The following SYNGR4 variants were observed in gnomAD, a reference collection of about 807,000 sequenced individuals.
SYNGR4 encodes the protein synaptogyrin 4.
In SYNGR4, 15 loss-of-function variants were observed where a neutral mutation model predicts 15.5. That is an observed-to-expected ratio of 0.97 (90% CI 0.65 to 1.49). The LOEUF (loss-of-function observed/expected upper bound fraction) is 1.49. Among genes scored for constraint, SYNGR4 ranks in the 40% most tolerant of loss-of-function variants. The probability of loss-of-function intolerance (pLI) is 0.00; values close to 1 mark genes in which losing one functional copy is unlikely to be tolerated. For synonymous variants in SYNGR4, 121 were observed against 127.4 expected (o/e 0.95, Z 0.34); for missense variants, 292 against 299.3 (o/e 0.98, Z 0.18).
intron 2 of SYNGR4, among the ~76,000 whole-genome samples, chr19:48,370,412 G>T (rs1402064458): frequency 6.6e-6 from 1 of 152,124 alleles, no homozygotes; most frequent in Non-Finnish European, 1.5e-5. Flanking sequence ...GAGCCCAGGA[G>T]GTCGAGGCTG....
intron 2 of SYNGR4, among the ~76,000 whole-genome samples, chr19:48,367,035 TC>T (rs1272159914): frequency 6.6e-6 from 1 of 151,474 alleles, no homozygotes; most frequent in African/African-American, 2.4e-5. Flanking sequence ...AAGCCTGTAG[TC>T]CCAGTTACTT....
rs1970206346 is a variant in SYNGR4 at position 48,365,783 on chromosome 19, C to A, written c.-60C>A. On this transcript the variant is annotated 5_prime_UTR_variant, in exon 2 of 5. Coordinates refer to ENST00000344846, the MANE Select transcript of SYNGR4 (RefSeq NM_012451.4). Reference sequence around the variant, plus strand: ...GAAGCCCCCGGACGGCAGTGCCCAGCAGGCAGCGCCCAGCACCCTGGCTCC... The same window carrying A: ...GAAGCCCCCGGACGGCAGTGCCCAGAAGGCAGCGCCCAGCACCCTGGCTCC... 50 of 1,581,384 alleles carry A rather than the reference C, an allele frequency of 3.2e-5. No homozygotes were observed. Among genetic ancestry groups the A allele is most frequent in the Non-Finnish European group, 4.2e-5 (48 of 1,154,118 alleles).
In SYNGR4 at chr19:48,373,550, A is replaced by G. The variant is rs1970343888; in HGVS notation, c.127A>G (p.Thr43Ala). ...FSLIVFSSLL[T>A]DGYQNKMESP... ...CCTGATCGTCTTCTCCTCCCTGCTGACCGACGGCTACCAGAACAAGATGGA... is the reference window on the plus strand; with the variant it reads ...CCTGATCGTCTTCTCCTCCCTGCTGGCCGACGGCTACCAGAACAAGATGGA... The change falls in exon 3 of 5, where the codon ACC (threonine) becomes GCC (alanine). Residue 43 changes from threonine (T) to alanine (A), a missense_variant. Physicochemically the swap from Thr to Ala is moderately conservative, Grantham distance 58. Coordinates refer to ENST00000344846, the MANE Select transcript of SYNGR4 (RefSeq NM_012451.4). 6.2e-7 allele frequency: 1 copy of G among 1,613,796 alleles called. No homozygotes were observed. Among genetic ancestry groups the G allele is most frequent in the Non-Finnish European group, 8.5e-7 (1 of 1,180,006 alleles).
intron 2 of SYNGR4, among the ~76,000 whole-genome samples, chr19:48,367,781 G>C (rs562765048): frequency 2.0e-5 from 3 of 152,326 alleles, no homozygotes; most frequent in Admixed American, 2.0e-4. Flanking sequence ...AGACTTTGCT[G>C]TGTGATCTTG....
In SYNGR4 at chr19:48,365,888, G is replaced by A. The variant is rs60121852; in HGVS notation, c.46G>A (p.Val16Met). Residue 16 changes from valine (V) to methionine (M), a missense_variant, in exon 2 of 5, where the codon GTG becomes ATG. Val to Met is a conservative substitution (Grantham distance 21). Coordinates refer to ENST00000344846, the MANE Select transcript of SYNGR4 (RefSeq NM_012451.4). ...SLQELANSEAVQFLRRPKTIT... is the reference protein window; with the variant it reads ...SLQELANSEAMQFLRRPKTIT... ...CCAGGAGCTGGCCAACAGCGAAGCC[G>A]TGCAGTTTCTGAGAAGGCCCAAGAC... is the stretch of plus-strand genomic sequence containing the variant. The A allele has an allele frequency of 2.4e-5, 38 of 1,613,896 alleles. No homozygotes were observed. Among genetic ancestry groups the A allele is most frequent in the Middle Eastern group, 3.3e-4 (2 of 6,062 alleles).
intron 2 of SYNGR4, among the ~76,000 whole-genome samples, chr19:48,372,110 C>G (rs1415116429): frequency 6.6e-6 from 1 of 152,030 alleles, no homozygotes; most frequent in Non-Finnish European, 1.5e-5. Context: ...GTCTCAAACT[C>G]CTGGCCTGAC....
Position 48,372,384 on chromosome 19 carries a change from G to A in SYNGR4, c.94-1133G>A, listed in dbSNP as rs111759921. On this transcript the variant is annotated intron_variant, in intron 2 of 4. Transcript: ENST00000344846. ...GGCATGGCCGGGCGTGGTGGCTCAC[G>A]CCTGTAATCCCAGCACTTTGGGAGG... Among the ~76,000 whole-genome samples, 651 of 152,084 alleles carry A rather than the reference G, an allele frequency of 4.3e-3. 6 individuals are homozygous for A. Among genetic ancestry groups the A allele is most frequent in the African/African-American group, 0.015 (603 of 41,472 alleles).
chr19:48,373,864 C>A, intron 3 of SYNGR4, 110 bp downstream of exon 3: 1 of 1,072,512 alleles, frequency 9.3e-7, no homozygotes, highest in South Asian at 1.4e-5. Context: ...CGGCCTCCAC[C>A]CTGACTGTCC....
At chr19:48,366,471 A>C (rs1458873743) in intron 2 of SYNGR4, among the ~76,000 whole-genome samples, 7 of 151,536 alleles carry the variant, frequency 4.6e-5, no homozygotes. Context: ...CAGTGGCGTG[A>C]TCTCCGCTCA....
At position 48,365,846 on chromosome 19, in the gene SYNGR4, C is replaced by A. The variant is rs1476837014; in HGVS notation, c.4C>A (p.His2Asn). 2 of 1,613,626 alleles carry A rather than the reference C, an allele frequency of 1.2e-6. No homozygotes were observed. Among genetic ancestry groups the A allele is most frequent in the Admixed American group, 3.3e-5 (2 of 59,996 alleles). M[H>N]IPKSLQELAN... Reference sequence around the variant, plus strand: ...GCCCCAAAGGAAAACAGCTGCCATGCACATCCCCAAAAGCCTCCAGGAGCT... The same window carrying A: ...GCCCCAAAGGAAAACAGCTGCCATGAACATCCCCAAAAGCCTCCAGGAGCT... The change falls in exon 2 of 5, where the codon CAC becomes AAC. Residue 2 changes from histidine to asparagine, a missense_variant. Transcript: ENST00000344846.
intron 3 of SYNGR4, among the ~76,000 whole-genome samples, chr19:48,375,058 C>T (rs1221420652): frequency 6.8e-6 from 1 of 146,434 alleles, no homozygotes; most frequent in East Asian, 2.0e-4. Flanking sequence ...CAGAGTTGCG[C>T]TCTGTCGCCC....
intron 2 of SYNGR4, among the ~76,000 whole-genome samples, chr19:48,369,859 GTTC>G (rs748137121): frequency 7.9e-5 from 12 of 152,302 alleles, no homozygotes; most frequent in Middle Eastern, 6.8e-3. Context: ...TCTACAGTCA[GTTC>G]TTCTGCTCCA....
At position 48,376,191 on chromosome 19, in the gene SYNGR4, C is replaced by A; in HGVS notation, c.578C>A (p.Pro193His). Residue 193 changes from proline (P) to histidine (H), a missense_variant, in exon 5 of 5, where the codon CCC (proline) becomes CAC (histidine). Pro to His is a moderately conservative substitution (Grantham distance 77). Transcript: ENST00000344846. The stretch of plus-strand genomic sequence containing the variant: ...ATGGTGCTGACCACCCTCCCCTTGC[C>A]CTCTGCCAACAGCCCTGTGAACATG... ...GGMVLTTLPL[P>H]SANSPVNMPT... is the part of the protein sequence containing the mutation. The A allele has an allele frequency of 6.2e-7, 1 of 1,614,126 alleles. No individual in the cohort carries two copies. The highest frequency in any genetic ancestry group is 8.5e-7 in the Non-Finnish European group (1 of 1,180,038).
At chr19:48,366,776 C>G (rs1350416182) in intron 2 of SYNGR4, among the ~76,000 whole-genome samples, 1 of 152,134 alleles carries the variant, frequency 6.6e-6, no homozygotes, top group Admixed American at 6.5e-5. Context: ...TCACTTTGCA[C>G]TAATTAAAAT....
chr19:48,375,450 C>G (rs1970386160), intron 3 of SYNGR4, among the ~76,000 whole-genome samples, 163 bp from the exon 4 acceptor site: 1 of 152,132 alleles, frequency 6.6e-6, no homozygotes, highest in African/African-American at 2.4e-5. Flanking sequence ...TGGGGAATGA[C>G]TTGTGGGAGA....
At chr19:48,369,640 GA>G (rs1970275442) in intron 2 of SYNGR4, among the ~76,000 whole-genome samples, 1 of 152,214 alleles carries the variant, frequency 6.6e-6, no homozygotes, top group Admixed American at 6.5e-5. Context: ...GGCACAGTCA[GA>G]AGCATCTGGC....
chr19:48,371,196 A>G (rs1459069054), intron 2 of SYNGR4, among the ~76,000 whole-genome samples: 1 of 152,108 alleles, frequency 6.6e-6, no homozygotes, highest in Non-Finnish European at 1.5e-5. Context: ...TCCACATGCC[A>G]TCCACCCTGC....
At chr19:48,371,399 T>C (rs1018667487) in intron 2 of SYNGR4, among the ~76,000 whole-genome samples, 7 of 149,958 alleles carry the variant, frequency 4.7e-5, no homozygotes, top group Non-Finnish European at 5.9e-5. Context: ...CCTGCCCTGC[T>C]GCATTGTGAC....
At chr19:48,374,758 T>C (rs902671948) in intron 3 of SYNGR4, among the ~76,000 whole-genome samples, 4 of 152,084 alleles carry the variant, frequency 2.6e-5, no homozygotes, top group African/African-American at 9.7e-5. Context: ...GGTGGATAAC[T>C]TGAGGCCAGA....
Sources: gnomAD v4.1 joint callset for allele counts (sites outside exome capture counted in the v4.1 genomes callset) on GRCh38, gnomAD v4.1.1 for gene constraint, MANE v1.5 for transcripts, NCBI Gene and HGNC (gene_info 2026-07-23, HGNC 2026-07-21) for gene names.